ANOS1: variants seen among roughly 807,000 people sequenced by gnomAD.
The protein encoded by ANOS1 is anosmin 1, also known as anosmin-1.
ANOS1 carries 6 observed loss-of-function variants against 59.0 expected under a neutral mutation model. The ratio of observed to expected loss-of-function variants is 0.10; its 90% CI spans 0.06 to 0.20. The LOEUF (loss-of-function observed/expected upper bound fraction) is 0.20, where lower values mean the gene tolerates loss of function less well. Ranked by LOEUF, ANOS1 falls within the 10% of genes least tolerant of loss-of-function variation. ANOS1 has a pLI of 1.00. For missense variants in ANOS1, 433 were observed against 542.3 expected (o/e 0.80, Z 2.00); for synonymous variants, 217 against 223.4 (o/e 0.97, Z 0.25).
intron 6 of ANOS1, among the ~76,000 whole-genome samples, chrX:8,576,467 TACACACACACACACACACACACATAC>T (rs1350427345): frequency 3.0e-5 from 3 of 100,041 alleles, no homozygotes; most frequent in Non-Finnish European, 6.0e-5. Context: ...TATATATATA[TACACACACACACACACACACACATAC>T]ACACACACAC....
chrX:8,710,230 G>A (rs1050005019), intron 1 of ANOS1, among the ~76,000 whole-genome samples: 1 of 111,739 alleles, frequency 8.9e-6, no homozygotes, highest in African/African-American at 3.3e-5. Flanking sequence ...ACGCCCGGCC[G>A]TGTTATCTTA....
Position 8,559,371 on chromosome X carries a change from T to C in ANOS1, c.1208-5273A>G, listed in dbSNP as rs917586316. ...TCCCTATTGTCCATTAAAAGTGTAT[T>C]CAACACATATTCGTTGCAACGTAGG... is the stretch of plus-strand genomic sequence containing the variant. On this transcript the variant is annotated intron_variant, in intron 8 of 13. Transcript: ENST00000262648. Among the ~76,000 whole-genome samples, 21 of 111,657 alleles carry C rather than the reference T, an allele frequency of 1.9e-4. No homozygotes were observed. The Admixed American group carries it at 2.0e-3, about 11-fold the overall frequency.
At chrX:8,726,758 C>A (rs971195270) in intron 1 of ANOS1, among the ~76,000 whole-genome samples, 1 of 112,025 alleles carries the variant, frequency 8.9e-6, no homozygotes, top group Non-Finnish European at 1.9e-5. Flanking sequence ...GCAGGAGTGT[C>A]CAAGATGAAG....
intron 1 of ANOS1, among the ~76,000 whole-genome samples, chrX:8,711,833 A>T (rs907612172): frequency 8.9e-6 from 1 of 112,982 alleles, no homozygotes; most frequent in Non-Finnish European, 1.9e-5. Flanking sequence ...TCTACATTGT[A>T]TGGTTGTTTC....
At chrX:8,708,934 TA>T (rs1246711904) in intron 1 of ANOS1, among the ~76,000 whole-genome samples, 1 of 111,142 alleles carries the variant, frequency 9.0e-6, no homozygotes, top group Non-Finnish European at 1.9e-5. Context: ...TATGCAGCCA[TA>T]AAAAAGGATG....
Position 8,679,987 on chromosome X carries a change from C to A in ANOS1, c.255+19711G>T, listed in dbSNP as rs1410297917. On this transcript the variant is annotated intron_variant, in intron 2 of 13. Coordinates refer to ENST00000262648, the MANE Select transcript of ANOS1 (RefSeq NM_000216.4). Reference sequence around the variant, plus strand: ...ACCAGCCTGGCCAATGTGGTGAAACCCCATCTCTACTAAAAATACAAAAAT... The same window carrying A: ...ACCAGCCTGGCCAATGTGGTGAAACACCATCTCTACTAAAAATACAAAAAT... 3.7e-5 allele frequency among the ~76,000 whole-genome samples: 4 copies of A among 108,694 alleles called. No individual in the cohort carries two copies. In the Admixed American group the frequency reaches 4.0e-4, roughly 11 times the overall value. 94.4% of individuals were successfully genotyped at this position (108,694 alleles called of 115,157 possible). A position where few individuals can be genotyped will look rare whatever the true frequency, so the allele number is the denominator to read the frequency against.
chrX:8,554,035 C>G lies in ANOS1; in HGVS notation c.1271G>C (p.Arg424Pro). Residue 424 changes from arginine to proline, a missense_variant, in exon 9 of 14, where the codon CGA (arginine) becomes CCA (proline). Transcript: ENST00000262648. ...TCCGACTTCCAGCGGGCGAGTGGGT[C>G]GTCGTCTTTGAAAAGGGAGTTGTGT... is the stretch of plus-strand genomic sequence containing the variant. ...IQTQLPFQRR[R>P]PTRPLEVGAP... 8.3e-7 allele frequency: 1 copy of G among 1,206,802 alleles called. No homozygotes were observed. Among genetic ancestry groups the G allele is most frequent in the Non-Finnish European group, 1.1e-6 (1 of 891,048 alleles).
chrX:8,633,841 A>G (rs1463451257), intron 2 of ANOS1, among the ~76,000 whole-genome samples: 1 of 112,010 alleles, frequency 8.9e-6, no homozygotes, highest in East Asian at 2.8e-4. Flanking sequence ...CAAAAATATC[A>G]ATGTCCTGAA....
chrX:8,685,832 A>G (rs1462518446), intron 2 of ANOS1, among the ~76,000 whole-genome samples: 1 of 111,610 alleles, frequency 9.0e-6, no homozygotes, highest in Non-Finnish European at 1.9e-5. Flanking sequence ...TGCTCTGAAA[A>G]GACCCAGTTG....
intron 1 of ANOS1, among the ~76,000 whole-genome samples, chrX:8,717,817 C>T (rs185378712): frequency 1.8e-5 from 2 of 111,943 alleles, no homozygotes; most frequent in African/African-American, 6.5e-5. Flanking sequence ...TCAAGACCAG[C>T]CTGGGCAACA....
At chrX:8,680,552 A>G (rs1932409797) in intron 2 of ANOS1, among the ~76,000 whole-genome samples, 1 of 111,626 alleles carries the variant, frequency 9.0e-6, no homozygotes, top group African/African-American at 3.3e-5. Context: ...ATCAGATGAT[A>G]TCCCAGGAAG....
chrX:8,599,271 C>T (rs1930798004), intron 3 of ANOS1, among the ~76,000 whole-genome samples: 1 of 111,944 alleles, frequency 8.9e-6, no homozygotes, highest in Admixed American at 9.4e-5. Flanking sequence ...AAGGAGGACA[C>T]TTTCTGTTTA....
At chrX:8,687,593 AACACACACACACACAC>A (rs58384646) in intron 2 of ANOS1, among the ~76,000 whole-genome samples, 2 of 95,661 alleles carry the variant, frequency 2.1e-5, no homozygotes, top group African/African-American at 7.8e-5. Context: ...TAATCCAGTA[AACACACACACACACAC>A]ACACACACAC....
chrX:8,642,853 C>G (rs1401217119), intron 2 of ANOS1, among the ~76,000 whole-genome samples: 1 of 111,636 alleles, frequency 9.0e-6, no homozygotes, highest in Non-Finnish European at 1.9e-5. Flanking sequence ...GATCTTGATG[C>G]AGGCTGAATT....
At chrX:8,596,312 A>C (rs1281605625) in intron 4 of ANOS1, among the ~76,000 whole-genome samples, 1 of 110,642 alleles carries the variant, frequency 9.0e-6, no homozygotes, top group Non-Finnish European at 1.9e-5. Flanking sequence ...TGAGACCCCC[A>C]AAATTAACAA....
chrX:8,664,489 G>C (rs185514388), intron 2 of ANOS1, among the ~76,000 whole-genome samples: 8 of 110,230 alleles, frequency 7.3e-5, no homozygotes, highest in African/African-American at 1.0e-4. Flanking sequence ...CACCGCCCCC[G>C]GCCAGGGATT....
chrX:8,586,859 G>A (rs1601965791), intron 5 of ANOS1, among the ~76,000 whole-genome samples: 1 of 97,799 alleles, frequency 1.0e-5, no homozygotes, highest in African/African-American at 3.8e-5. Context: ...TCTTTACATT[G>A]TTTTATTTTA....
intron 1 of ANOS1, among the ~76,000 whole-genome samples, chrX:8,726,532 C>T (rs1192865002): frequency 4.5e-5 from 5 of 112,131 alleles, no homozygotes; most frequent in Admixed American, 1.9e-4. Context: ...TCCCGCCTCA[C>T]TTGCCCACGG....
chrX:8,564,138 A>C (rs1365742176), intron 8 of ANOS1, among the ~76,000 whole-genome samples: 1 of 111,792 alleles, frequency 8.9e-6, no homozygotes, highest in Non-Finnish European at 1.9e-5. Flanking sequence ...CCTACAAGGA[A>C]ACTGAGGTAT....
Sources: gnomAD v4.1 joint callset for allele counts (sites outside exome capture counted in the v4.1 genomes callset) on GRCh38, gnomAD v4.1.1 for gene constraint, MANE v1.5 for transcripts, NCBI Gene and HGNC (gene_info 2026-07-23, HGNC 2026-07-21) for gene names.